The following RBCK1 variants were observed in gnomAD, a reference collection of about 807,000 sequenced individuals.
RBCK1 encodes the protein RANBP2-type and C3HC4-type zinc finger containing 1, also known as ranBP-type and C3HC4-type zinc finger-containing protein 1.
RBCK1 carries 44 observed loss-of-function variants against 71.1 expected under a neutral mutation model. The observed-to-expected ratio is 0.62, with a 90% CI of 0.49 to 0.80. The LOEUF (loss-of-function observed/expected upper bound fraction) is 0.80. Ranked by LOEUF, RBCK1 falls within the 30% of genes least tolerant of loss-of-function variation. The probability of loss-of-function intolerance (pLI) is 0.00; values close to 1 mark genes in which losing one functional copy is unlikely to be tolerated. For synonymous variants in RBCK1, 306 were observed against 279.7 expected (o/e 1.09, Z -0.94); for missense variants, 569 against 685.0 (o/e 0.83, Z 1.89).
intron 8 of RBCK1, among the ~76,000 whole-genome samples, chr20:424,533 G>C (rs1199190892): frequency 6.6e-6 from 1 of 151,236 alleles, no homozygotes; most frequent in Non-Finnish European, 1.5e-5. Flanking sequence ...CTGGGGAAAA[G>C]GGGGAGGCAG....
At chr20:413,748 G>T (rs78728494) in intron 2 of RBCK1, among the ~76,000 whole-genome samples, 35 of 152,168 alleles carry the variant, frequency 2.3e-4, no homozygotes, top group East Asian at 1.7e-3. Flanking sequence ...CTGCTGTTGG[G>T]TTCTCATCGA....
rs770216625 is a variant in RBCK1 at position 429,002 on chromosome 20, G to T, written c.1360G>T (p.Val454Leu). 2 of 1,612,188 alleles carry T rather than the reference G, an allele frequency of 1.2e-6. No individual in the cohort carries two copies. The highest frequency in any genetic ancestry group is 2.2e-5 in the South Asian group (2 of 91,050). Residue 454 changes from valine (V) to leucine (L), a missense_variant, in exon 11 of 12, where the codon GTA becomes TTA. Val to Leu is a conservative substitution (Grantham distance 32). This residue lies in a region of RBCK1 where 211 missense variants were observed against 309.4 expected (regional missense o/e 0.68). Transcript: ENST00000356286. ...AMRCPQCQIV[V>L]QKKDGCDWIR... ...GCGCTGCCCCCAGTGCCAGATCGTG[G>T]TACAGAAGAAGGACGGCTGCGACTG...
intron 8 of RBCK1, among the ~76,000 whole-genome samples, chr20:425,442 C>T (rs1311008289): frequency 1.3e-5 from 2 of 152,212 alleles, no homozygotes; most frequent in South Asian, 4.1e-4. Flanking sequence ...TTACATATAA[C>T]ATAGGCATGA....
rs1390028552 is a variant in RBCK1 at position 428,156 on chromosome 20, G to C, written c.1210-335G>C. Among the ~76,000 whole-genome samples the C allele has an allele frequency of 6.6e-6, 1 of 152,220 alleles. No homozygotes were observed. Among genetic ancestry groups the C allele is most frequent in the Non-Finnish European group, 1.5e-5 (1 of 68,034 alleles). ...GGCCTGTAACCCCGGGCAGGCCCTT[G>C]TTAGGGATGCAGGGTCTCACCCTAG... On this transcript the variant is annotated intron_variant, in intron 9 of 11. Coordinates refer to ENST00000356286, the MANE Select transcript of RBCK1 (RefSeq NM_031229.4). The surrounding 1 kb of genome is among the most constrained non-coding windows in gnomAD (Gnocchi z 5.7).
Position 430,817 on chromosome 20 carries a change from A to G in RBCK1, c.*387A>G. On this transcript the variant is annotated 3_prime_UTR_variant, in exon 12 of 12. Coordinates refer to ENST00000356286, the MANE Select transcript of RBCK1 (RefSeq NM_031229.4). This position sits in a 1 kb window ranked among gnomAD's most constrained non-coding sequence, Gnocchi z 5.6. Reference sequence around the variant, plus strand: ...CTAACTTCTCTGCCTTTGTGGTTGGAGGCCTGAGGCCTCTTGGAACTCTTG... The same window carrying G: ...CTAACTTCTCTGCCTTTGTGGTTGGGGGCCTGAGGCCTCTTGGAACTCTTG... 4.3e-6 allele frequency: 1 copy of G among 233,682 alleles called. No individual in the cohort carries two copies. Among genetic ancestry groups the G allele is most frequent in the Non-Finnish European group, 8.5e-6 (1 of 117,410 alleles). 14.5% of individuals were successfully genotyped at this position (233,682 alleles called of 1,614,324 possible). A position where few individuals can be genotyped will look rare whatever the true frequency, so the allele number is the denominator to read the frequency against.
intron 9 of RBCK1, 130 bp downstream of exon 9, chr20:427,622 T>A: frequency 1.0e-6 from 1 of 1,000,262 alleles, no homozygotes; most frequent in Non-Finnish European, 1.5e-6. Flanking sequence ...GAGCTACATG[T>A]CAGTGGGAGA....
intron 2 of RBCK1, among the ~76,000 whole-genome samples, chr20:411,410 C>T (rs913863706): frequency 6.6e-6 from 1 of 152,032 alleles, no homozygotes; most frequent in Admixed American, 6.6e-5. Context: ...CTCTGTCCCC[C>T]AGGCTGGAGT....
intron 4 of RBCK1, among the ~76,000 whole-genome samples, chr20:418,922 G>A (rs1600291064): frequency 6.6e-6 from 1 of 152,200 alleles, no homozygotes; most frequent in African/African-American, 2.4e-5. Context: ...GTCATTTATA[G>A]CAAAAGACTT....
At chr20:418,529 C>G (rs533062130) in intron 4 of RBCK1, among the ~76,000 whole-genome samples, 5 of 152,092 alleles carry the variant, frequency 3.3e-5, no homozygotes, top group Non-Finnish European at 7.4e-5. Flanking sequence ...CCACCACGCC[C>G]GGCTAATTTT....
Position 428,940 on chromosome 20 carries a change from C to A in RBCK1, c.1309-11C>A. The A allele has an allele frequency of 6.2e-7, 1 of 1,602,138 alleles. No homozygotes were observed. Among genetic ancestry groups the A allele is most frequent in the Non-Finnish European group, 8.5e-7 (1 of 1,177,102 alleles). ...AGCCCCGCCCCAGGGCCAGCACCTG[C>A]CCCACTCCAGGTGATGCTGCAGCAG... On this transcript the variant is annotated splice_polypyrimidine_tract_variant and intron_variant, in intron 10 of 11. Transcript: ENST00000356286. The surrounding 1 kb of genome is among the most constrained non-coding windows in gnomAD (Gnocchi z 5.7).
In RBCK1 at chr20:417,265, G is replaced by GCCAGATCATGGAGGCCCTCGTGTGCTGC. The variant is rs763108374; in HGVS notation, c.168-259_168-232dup. The GCCAGATCATGGAGGCCCTCGTGTGCTGC allele has an allele frequency of 7.5e-6, 5 of 670,356 alleles. No individual in the cohort carries two copies. The highest frequency in any genetic ancestry group is 2.5e-4 in the Middle Eastern group (1 of 4,008). The allele number at this position is 670,356 out of a possible 1,614,324, so 41.5% of individuals were successfully genotyped here. The stretch of plus-strand genomic sequence containing the variant: ...AAGAGGTTGGAGAGGTCAGGGAGGT[G>GCCAGATCATGGAGGCCCTCGTGTGCTGC]CCAGATCATGGAGGCCCTCGTGTGC... On this transcript the variant is annotated intron_variant, in intron 2 of 11. Coordinates refer to ENST00000356286, the MANE Select transcript of RBCK1 (RefSeq NM_031229.4). The surrounding 1 kb of genome is among the most constrained non-coding windows in gnomAD (Gnocchi z 4.7).
chr20:415,818 G>A (rs2015949719), intron 2 of RBCK1, among the ~76,000 whole-genome samples: 1 of 152,226 alleles, frequency 6.6e-6, no homozygotes, highest in Non-Finnish European at 1.5e-5. Context: ...GGAGGCCTCA[G>A]TGAACTTTTA....
At chr20:408,839 T>G in intron 1 of RBCK1, 60 bp downstream of exon 1, 1 of 1,577,886 alleles carries the variant, frequency 6.3e-7, no homozygotes, top group Admixed American at 1.8e-5. Context: ...CCGCAGGACC[T>G]GGCCTTGCCC....
chr20:419,850 T>A (rs1047854111), intron 6 of RBCK1, 119 bp downstream of exon 6: 10 of 1,444,982 alleles, frequency 6.9e-6, no homozygotes, highest in Middle Eastern at 2.1e-4. Context: ...CTCCCAACCA[T>A]GCTGCTGGCA....
At chr20:409,830 C>T in intron 1 of RBCK1, 51 bp from the exon 2 acceptor site, 4 of 1,582,974 alleles carry the variant, frequency 2.5e-6, no homozygotes, top group Non-Finnish European at 3.4e-6. Flanking sequence ...TTACTCTCAG[C>T]TCCTGAAAAT....
chr20:408,913 G>A, intron 1 of RBCK1, 134 bp downstream of exon 1: 1 of 1,101,836 alleles, frequency 9.1e-7, no homozygotes, highest in Non-Finnish European at 1.3e-6. Flanking sequence ...CTCCCCATCA[G>A]TTTCCTCCTT....
At chr20:410,400 A>C (rs760200864) in intron 2 of RBCK1, 35 of 779,378 alleles carry the variant, frequency 4.5e-5, no homozygotes, top group Admixed American at 1.7e-5. Flanking sequence ...CCATTCTGCC[A>C]TTCATTCCCA....
chr20:424,247 T>C (rs1254719470), intron 8 of RBCK1, among the ~76,000 whole-genome samples: 1 of 152,192 alleles, frequency 6.6e-6, no homozygotes, highest in Non-Finnish European at 1.5e-5. Flanking sequence ...GCAAGTTGTT[T>C]CCCTTCTGTG....
intron 11 of RBCK1, 132 bp downstream of exon 11, chr20:429,226 ATTTTTTT>A: frequency 1.0e-6 from 1 of 1,002,914 alleles, no homozygotes; most frequent in Non-Finnish European, 1.3e-6. Context: ...CGAGGTAAGA[ATTTTTTT>A]TTTTTTTTTT....
Sources: gnomAD v4.1 joint callset for allele counts (sites outside exome capture counted in the v4.1 genomes callset) on GRCh38, gnomAD v4.1.1 for gene constraint, gnomAD v4.1.1 regional missense constraint, Gnocchi (gnomAD v3.1) non-coding constraint, MANE v1.5 for transcripts, NCBI Gene and HGNC (gene_info 2026-07-23, HGNC 2026-07-21) for gene names.